The following FCHSD2 variants were observed in gnomAD, a reference collection of about 807,000 sequenced individuals.
The protein encoded by FCHSD2 is F-BAR and double SH3 domains protein 2.
In FCHSD2, 38 loss-of-function variants were observed where a neutral mutation model predicts 108.1. The ratio of observed to expected loss-of-function variants is 0.35; its 90% confidence interval spans 0.27 to 0.46. The LOEUF (loss-of-function observed/expected upper bound fraction) is 0.46. FCHSD2 is among the 20% of genes least tolerant of loss of function. FCHSD2 has a pLI of 1.00. For synonymous variants in FCHSD2, 279 were observed against 314.7 expected, an observed-to-expected ratio of 0.89 and a Z score of 1.20; for missense variants, 751 against 897.8, an observed-to-expected ratio of 0.84 and a Z score of 2.09.
At chr11:73,060,571 C>A (rs1261874098) in intron 3 of FCHSD2, among the ~76,000 whole-genome samples, 2 of 152,118 alleles carry the variant, frequency 1.3e-5, no homozygotes, top group African/African-American at 4.8e-5. Flanking sequence ...TAAAGGCTAT[C>A]TAAGAAAGAC....
intron 2 of FCHSD2, among the ~76,000 whole-genome samples, chr11:73,094,794 G>A (rs1314725420): frequency 1.9e-4 from 29 of 152,188 alleles, no homozygotes; most frequent in Non-Finnish European, 5.9e-5. Context: ...TACAGTGGCT[G>A]TTTGTAAAGG....
chr11:72,949,385 G>A (rs1488242382), intron 8 of FCHSD2, among the ~76,000 whole-genome samples: 1 of 152,158 alleles, frequency 6.6e-6, no homozygotes, highest in African/African-American at 2.4e-5. Context: ...TGGAGGCAGA[G>A]GTTACAGTGA....
At chr11:72,923,488 A>T (rs567153505) in intron 8 of FCHSD2, among the ~76,000 whole-genome samples, 47 of 152,062 alleles carry the variant, frequency 3.1e-4, no homozygotes, top group Non-Finnish European at 5.0e-4. Context: ...TTTTTTTTTT[A>T]AATTATGAAA....
intron 12 of FCHSD2, among the ~76,000 whole-genome samples, chr11:72,872,292 T>C (rs1313681246): frequency 1.3e-5 from 2 of 150,134 alleles, no homozygotes; most frequent in Non-Finnish European, 3.0e-5. Flanking sequence ...TTTTCTTTTT[T>C]TTTTTTTTTT....
chr11:72,895,095 C>A (rs1295438363), intron 10 of FCHSD2, among the ~76,000 whole-genome samples: 1 of 152,144 alleles, frequency 6.6e-6, no homozygotes, highest in African/African-American at 2.4e-5. Context: ...CTTATTCTGA[C>A]TATGCTAGGA....
chr11:72,885,685 G>A lies in FCHSD2; in HGVS notation c.1146+1785C>T, dbSNP rs1033355383. On this transcript the variant is annotated intron_variant, in intron 12 of 19. Coordinates refer to ENST00000409418, the MANE Select transcript of FCHSD2 (RefSeq NM_014824.3). Reference sequence around the variant, plus strand: ...ATTACTCCTGTTCCACCAAGGCTCTGAAAAACTGGCTTCATCTAGAGTGCG... The same window carrying A: ...ATTACTCCTGTTCCACCAAGGCTCTAAAAAACTGGCTTCATCTAGAGTGCG... Among the ~76,000 whole-genome samples, 4 of 152,218 alleles carry A rather than the reference G, an allele frequency of 2.6e-5. No individual in the cohort carries two copies. In the South Asian group the frequency reaches 8.3e-4, roughly 32 times the overall value.
chr11:72,923,236 AT>A (rs1217777943), intron 8 of FCHSD2, among the ~76,000 whole-genome samples: 1 of 152,216 alleles, frequency 6.6e-6, no homozygotes. Flanking sequence ...AAGTTAAAAA[AT>A]AAATAAATAA....
intron 10 of FCHSD2, chr11:72,900,475 T>C (rs1218632824): frequency 4.9e-6 from 3 of 606,998 alleles, no homozygotes; most frequent in African/African-American, 1.9e-5. Flanking sequence ...AAAAGTGAGA[T>C]GAGAGTCACT....
At chr11:73,007,743 A>G (rs1394461060) in intron 4 of FCHSD2, among the ~76,000 whole-genome samples, 1 of 152,244 alleles carries the variant, frequency 6.6e-6, no homozygotes, top group African/African-American at 2.4e-5. Context: ...ACAGAACTCA[A>G]TATGCACACA....
chr11:73,017,385 C>T (rs536919270), intron 3 of FCHSD2, among the ~76,000 whole-genome samples: 1 of 152,142 alleles, frequency 6.6e-6, no homozygotes, highest in Non-Finnish European at 1.5e-5. Context: ...TTTCTATACA[C>T]GTAACTAAAA....
At chr11:72,876,740 T>C (rs1854978104) in intron 12 of FCHSD2, among the ~76,000 whole-genome samples, 1 of 152,222 alleles carries the variant, frequency 6.6e-6, no homozygotes, top group Non-Finnish European at 1.5e-5. Context: ...ATTCTTGTTC[T>C]ATCAATTACT....
At chr11:72,849,942 GAAAGCCGGAAAAACACTT>G in intron 13 of FCHSD2, 53 bp from the exon 14 acceptor site, 1 of 1,475,614 alleles carries the variant, frequency 6.8e-7, no homozygotes, top group Admixed American at 1.9e-5. Flanking sequence ...GAAAATGGTT[GAAAGCCGGAAAAACACTT>G]AAAACCTGAT....
chr11:72,850,191 T>C (rs1861248206), intron 13 of FCHSD2, among the ~76,000 whole-genome samples: 1 of 149,874 alleles, frequency 6.7e-6, no homozygotes, highest in African/African-American at 2.5e-5. Flanking sequence ...GTCTCCCGAA[T>C]AGCTGGGATT....
chr11:72,952,028 A>ATTTTT (rs1856629383), intron 8 of FCHSD2, among the ~76,000 whole-genome samples: 3 of 152,140 alleles, frequency 2.0e-5, no homozygotes, highest in Non-Finnish European at 4.4e-5. Flanking sequence ...TATTTTTGGC[A>ATTTTT]AGAATCAAAA....
At chr11:73,015,731 A>G in intron 4 of FCHSD2, 78 bp downstream of exon 4, 1 of 744,562 alleles carries the variant, frequency 1.3e-6, no homozygotes, top group South Asian at 1.9e-5. Context: ...TAAAAACTAG[A>G]GTGTTACATT....
intron 8 of FCHSD2, among the ~76,000 whole-genome samples, chr11:72,961,164 C>T (rs1309553644): frequency 6.6e-6 from 1 of 151,830 alleles, no homozygotes; most frequent in African/African-American, 2.4e-5. Flanking sequence ...CAATTCTTAG[C>T]TGCTCTACAA....
chr11:72,849,269 G>A (rs945431326), intron 14 of FCHSD2, among the ~76,000 whole-genome samples: 1 of 152,184 alleles, frequency 6.6e-6, no homozygotes, highest in African/African-American at 2.4e-5. Flanking sequence ...GACCCACTAT[G>A]GCTGGACATC....
At chr11:72,982,164 G>A (rs879455416) in intron 8 of FCHSD2, among the ~76,000 whole-genome samples, 1 of 152,138 alleles carries the variant, frequency 6.6e-6, no homozygotes, top group African/African-American at 2.4e-5. Flanking sequence ...GAACAAAAAG[G>A]AAAGAAAAAA....
chr11:73,067,065 C>G (rs1360725378), intron 3 of FCHSD2, among the ~76,000 whole-genome samples: 1 of 152,112 alleles, frequency 6.6e-6, no homozygotes, highest in Non-Finnish European at 1.5e-5. Flanking sequence ...TTCACAATAG[C>G]AAAGACTTGG....
Sources: allele counts gnomAD v4.1 joint callset (sites outside exome capture counted in the v4.1 genomes callset), GRCh38; gene constraint gnomAD v4.1.1; transcripts MANE v1.5; gene names NCBI Gene and HGNC (gene_info 2026-07-23, HGNC 2026-07-21).